JPH1: variants seen among roughly 807,000 people sequenced by gnomAD.
JPH1 encodes junctophilin 1.
In JPH1, 12 loss-of-function variants were observed where a neutral mutation model predicts 53.6. The observed-to-expected ratio is 0.22, with a 90% confidence interval of 0.14 to 0.36. JPH1 has a LOEUF of 0.36. Among genes scored for constraint, JPH1 ranks in the 10% least tolerant of loss-of-function variants. The probability of loss-of-function intolerance (pLI) is 1.00; values close to 1 mark genes in which losing one functional copy is unlikely to be tolerated. For missense variants in JPH1, 808 were observed against 905.5 expected (o/e 0.89, Z 1.38); for synonymous variants, 375 against 363.8 (o/e 1.03, Z -0.35).
At chr8:74,309,041 C>T (rs760729849) in intron 2 of JPH1, among the ~76,000 whole-genome samples, 3 of 152,170 alleles carry the variant, frequency 2.0e-5, no homozygotes, top group Admixed American at 1.3e-4. Flanking sequence ...ACCTTAGTTC[C>T]GAGCTGAACA....
At chr8:74,256,120 T>C (rs1023416891) in intron 3 of JPH1, among the ~76,000 whole-genome samples, 2 of 152,082 alleles carry the variant, frequency 1.3e-5, no homozygotes, top group African/African-American at 4.8e-5. Flanking sequence ...CTATTGACAA[T>C]AGCAAAGACT....
In JPH1 at chr8:74,320,658, G is replaced by A. The variant is rs956136799; in HGVS notation, c.379+251C>T. On this transcript the variant is annotated intron_variant, in intron 1 of 5. Coordinates refer to ENST00000342232, the MANE Select transcript of JPH1 (RefSeq NM_020647.4). The surrounding 1 kb of genome is among the most constrained non-coding windows in gnomAD (Gnocchi z 4.4). ...GCTGGCGCCGGCCAGGTACATTCAC[G>A]CCTAGCTCCCCTGAGTGTGGATACA... is the stretch of plus-strand genomic sequence containing the variant. Among the ~76,000 whole-genome samples, 2 of 152,114 alleles carry A rather than the reference G, an allele frequency of 1.3e-5. No homozygotes were observed. Among genetic ancestry groups the A allele is most frequent in the Non-Finnish European group, 2.9e-5 (2 of 67,976 alleles).
chr8:74,284,582 G>A (rs976443276), intron 2 of JPH1, among the ~76,000 whole-genome samples: 3 of 151,976 alleles, frequency 2.0e-5, no homozygotes, highest in African/African-American at 4.8e-5. Context: ...CAGCCTTTCC[G>A]ACTAGCAACT....
chr8:74,243,214 A>G lies in JPH1; in HGVS notation c.1905+1315T>C, dbSNP rs544218819. Among the ~76,000 whole-genome samples the G allele has an allele frequency of 1.6e-4, 25 of 152,356 alleles. 1 individual carries two copies. The highest frequency in any genetic ancestry group is 6.0e-4 in the African/African-American group (25 of 41,592). On this transcript the variant is annotated intron_variant, in intron 4 of 5. Transcript: ENST00000342232. ...GAGAAGTAAGCTATTACATTTAACAAATTCAATAGTGATTATTATAGTTGT... is the reference window on the plus strand; with the variant it reads ...GAGAAGTAAGCTATTACATTTAACAGATTCAATAGTGATTATTATAGTTGT...
rs74766192 is a variant in JPH1, at chr8:74,244,604, C to T, written c.1830G>A (p.Lys610=). The change falls in exon 4 of 6, where the codon AAG becomes AAA. Residue 610 remains lysine, a synonymous_variant. Transcript: ENST00000342232. ...AKESKAEPKA[K]KSELAIPKNP... The stretch of plus-strand genomic sequence containing the variant: ...TCTTTGGTATAGCAAGTTCAGACTT[C>T]TTAGCTTTTGGCTCAGCTTTGCTTT... 4.4e-4 allele frequency: 703 copies of T among 1,614,214 alleles called. No homozygotes were observed. The African/African-American group carries it at 8.5e-3, about 20-fold the overall frequency.
intron 2 of JPH1, among the ~76,000 whole-genome samples, chr8:74,269,475 A>G (rs1225324489): frequency 6.6e-6 from 1 of 152,242 alleles, no homozygotes; most frequent in Non-Finnish European, 1.5e-5. Context: ...TTCATTCTAC[A>G]GTTCAACTAA....
intron 3 of JPH1, among the ~76,000 whole-genome samples, chr8:74,256,664 C>T (rs1183855469): frequency 6.6e-6 from 1 of 152,090 alleles, no homozygotes. Flanking sequence ...GAAAAAAGCT[C>T]ATCATCACTG....
At chr8:74,280,070 A>G (rs538436260) in intron 2 of JPH1, among the ~76,000 whole-genome samples, 1 of 152,206 alleles carries the variant, frequency 6.6e-6, no homozygotes, top group African/African-American at 2.4e-5. Flanking sequence ...AAACTTTCCT[A>G]TCATTTGAAT....
At chr8:74,245,223 A>C in intron 3 of JPH1, 48 bp from the exon 4 acceptor site, 1 of 1,477,616 alleles carries the variant, frequency 6.8e-7, no homozygotes, top group African/African-American at 1.4e-5. Flanking sequence ...AGGTATATAT[A>C]CATATATTTT....
chr8:74,314,199 T>C (rs1808073041), intron 2 of JPH1, among the ~76,000 whole-genome samples: 1 of 152,252 alleles, frequency 6.6e-6, no homozygotes, highest in Non-Finnish European at 1.5e-5. Context: ...ACCTAATCTC[T>C]TCTGCATAGA....
At chr8:74,240,388 C>T (rs1013438299) in intron 4 of JPH1, among the ~76,000 whole-genome samples, 2 of 151,556 alleles carry the variant, frequency 1.3e-5, no homozygotes, top group African/African-American at 4.9e-5. Flanking sequence ...CATTAAACAT[C>T]CCCTCTTCTC....
chr8:74,243,484 A>G (rs1039750015), intron 4 of JPH1, among the ~76,000 whole-genome samples: 8 of 152,266 alleles, frequency 5.3e-5, no homozygotes, highest in African/African-American at 1.7e-4. Flanking sequence ...AATTTTAAGC[A>G]TAAGTTAACA....
chr8:74,294,086 A>G (rs1807424211), intron 2 of JPH1, among the ~76,000 whole-genome samples: 2 of 152,248 alleles, frequency 1.3e-5, no homozygotes, highest in South Asian at 4.2e-4. Flanking sequence ...GTGGTGGGGG[A>G]AAATCCTGCA....
At chr8:74,269,735 G>A (rs1806644555) in intron 2 of JPH1, among the ~76,000 whole-genome samples, 1 of 152,224 alleles carries the variant, frequency 6.6e-6, no homozygotes, top group Non-Finnish European at 1.5e-5. Flanking sequence ...GAGACTCAGA[G>A]AGATTAAGGA....
At chr8:74,299,636 C>T (rs1003953716) in intron 2 of JPH1, among the ~76,000 whole-genome samples, 5 of 152,184 alleles carry the variant, frequency 3.3e-5, no homozygotes, top group African/African-American at 9.7e-5. Flanking sequence ...TTGTTCTTTG[C>T]TCAATTAAAC....
At chr8:74,253,112 C>T (rs1248631777) in intron 3 of JPH1, among the ~76,000 whole-genome samples, 3 of 152,194 alleles carry the variant, frequency 2.0e-5, no homozygotes, top group African/African-American at 2.4e-5. Context: ...TCACACCACA[C>T]CTATTCCAAA....
intron 2 of JPH1, among the ~76,000 whole-genome samples, chr8:74,304,582 C>T (rs575327882): frequency 6.6e-6 from 1 of 152,070 alleles, no homozygotes; most frequent in Non-Finnish European, 1.5e-5. Flanking sequence ...TCAAATGCTT[C>T]CCTAATGGAT....
At chr8:74,308,525 T>C (rs1807902899) in intron 2 of JPH1, among the ~76,000 whole-genome samples, 1 of 152,214 alleles carries the variant, frequency 6.6e-6, no homozygotes, top group Admixed American at 6.5e-5. Context: ...AGAATTTAAT[T>C]AATTCATTCA....
intron 3 of JPH1, among the ~76,000 whole-genome samples, chr8:74,246,340 C>A (rs1805860200): frequency 6.6e-6 from 1 of 152,152 alleles, no homozygotes; most frequent in Non-Finnish European, 1.5e-5. Flanking sequence ...CTACCCCCAA[C>A]CCTTCACCCC....
Sources: allele counts gnomAD v4.1 joint callset (sites outside exome capture counted in the v4.1 genomes callset), GRCh38; gene constraint gnomAD v4.1.1; non-coding constraint Gnocchi (gnomAD v3.1); transcripts MANE v1.5; gene names NCBI Gene and HGNC (gene_info 2026-07-23, HGNC 2026-07-21).